TSC22D1: variants seen among roughly 807,000 people sequenced by gnomAD.
TSC22D1 encodes the protein TSC22 domain family member 1, also known as TSC22 domain family protein 1.
TSC22D1 carries 9 observed loss-of-function variants against 74.2 expected under a neutral mutation model. The ratio of observed to expected loss-of-function variants is 0.12; its 90% CI spans 0.07 to 0.21. TSC22D1 has a LOEUF of 0.21. Ranked by LOEUF, TSC22D1 falls within the 10% of genes least tolerant of loss-of-function variation. The pLI is 1.00. For missense variants in TSC22D1, 1,427 were observed against 1,304.7 expected (o/e 1.09, Z -1.44); for synonymous variants, 586 against 492.5 (o/e 1.19, Z -2.51).
intron 1 of TSC22D1, among the ~76,000 whole-genome samples, chr13:44,460,375 C>G (rs1470480686): frequency 6.6e-6 from 1 of 152,122 alleles, no homozygotes; most frequent in Non-Finnish European, 1.5e-5. Context: ...GCTTGATGCC[C>G]TTTTCCATGA....
intron 1 of TSC22D1, among the ~76,000 whole-genome samples, chr13:44,520,549 G>A (rs1281706485): frequency 1.3e-5 from 2 of 152,036 alleles, no homozygotes; most frequent in Non-Finnish European, 2.9e-5. Flanking sequence ...GAAAGTTTTA[G>A]ACAAACTTTA....
At chr13:44,456,022 A>T (rs749648312) in intron 1 of TSC22D1, among the ~76,000 whole-genome samples, 2 of 152,212 alleles carry the variant, frequency 1.3e-5, no homozygotes, top group African/African-American at 4.8e-5. Context: ...ATAAGTCTGT[A>T]TAAGACAGAC....
At chr13:44,524,254 G>A (rs1405464107) in intron 1 of TSC22D1, among the ~76,000 whole-genome samples, 3 of 151,464 alleles carry the variant, frequency 2.0e-5, no homozygotes, top group Admixed American at 1.3e-4. Context: ...TAGTGAAGCT[G>A]TCACTCCTGT....
At chr13:44,436,458 G>T in intron 1 of TSC22D1, 5 of 1,595,744 alleles carry the variant, frequency 3.1e-6, no homozygotes, top group Non-Finnish European at 4.3e-6. Flanking sequence ...ATTATTATAA[G>T]TATCCCACGA....
At position 44,557,287 on chromosome 13, in the gene TSC22D1, C is replaced by G. The variant is rs575616328; in HGVS notation, c.2912+15876G>C. Among the ~76,000 whole-genome samples the G allele has an allele frequency of 1.7e-3, 252 of 151,894 alleles. 1 individual carries two copies. The highest frequency in any genetic ancestry group is 5.7e-3 in the African/African-American group (235 of 41,386). On this transcript the variant is annotated intron_variant, in intron 1 of 2. Transcript: ENST00000458659. ...ACCATCCTGGCCAATGTGGTAAAAC[C>G]CTGTCTCTACTAAAAATACAAAAAT...
At chr13:44,456,752 G>A (rs954986403) in intron 1 of TSC22D1, among the ~76,000 whole-genome samples, 3 of 152,156 alleles carry the variant, frequency 2.0e-5, no homozygotes, top group Non-Finnish European at 4.4e-5. Flanking sequence ...CTTGGAAACT[G>A]AAAAATTGAT....
chr13:44,502,203 C>A (rs754300287), intron 1 of TSC22D1, among the ~76,000 whole-genome samples: 2 of 152,084 alleles, frequency 1.3e-5, no homozygotes, highest in Admixed American at 6.5e-5. Flanking sequence ...TTGGTGAGTA[C>A]GTTGTTGATT....
intron 1 of TSC22D1, among the ~76,000 whole-genome samples, chr13:44,548,887 A>C (rs2138135938): frequency 6.6e-6 from 1 of 152,316 alleles, no homozygotes; most frequent in African/African-American, 2.4e-5. Context: ...TTAAATGTAC[A>C]AGAACTTCAT....
At chr13:44,511,142 G>C (rs993067365) in intron 1 of TSC22D1, among the ~76,000 whole-genome samples, 3 of 152,048 alleles carry the variant, frequency 2.0e-5, no homozygotes, top group African/African-American at 7.2e-5. Context: ...TATTAGCCGG[G>C]CATGGTGGTG....
At chr13:44,528,115 T>C (rs1880639917) in intron 1 of TSC22D1, among the ~76,000 whole-genome samples, 1 of 152,010 alleles carries the variant, frequency 6.6e-6, no homozygotes, top group Non-Finnish European at 1.5e-5. Flanking sequence ...TAAACACCCC[T>C]CAATCAGGAA....
chr13:44,575,633 C>A lies in TSC22D1; in HGVS notation c.442G>T (p.Asp148Tyr), dbSNP rs1040833771. ...YDDLDESHTE[D>Y]LSSSEILDVS... Reference sequence around the variant, plus strand: ...TCAAGGATCTCCGAAGAAGAGAGATCTTCCGTGTGAGATTCATCCAGATCA... The same window carrying A: ...TCAAGGATCTCCGAAGAAGAGAGATATTCCGTGTGAGATTCATCCAGATCA... The change falls in exon 1 of 3, where the codon GAT becomes TAT. Residue 148 changes from aspartate to tyrosine, a missense_variant. Asp to Tyr is a radical substitution (Grantham distance 160, BLOSUM62 -3). Around this residue, in one of 3 missense-constraint regions of TSC22D1, gnomAD observed 1,343 missense variants for 1,191.5 expected, o/e 1.13. Coordinates refer to ENST00000458659, the MANE Select transcript of TSC22D1 (RefSeq NM_183422.4). 6.2e-7 allele frequency: 1 copy of A among 1,614,196 alleles called. No homozygotes were observed.
chr13:44,506,195 A>G (rs1233711428), intron 1 of TSC22D1, among the ~76,000 whole-genome samples: 3 of 152,218 alleles, frequency 2.0e-5, no homozygotes, highest in Admixed American at 2.0e-4. Flanking sequence ...AAATTAGATT[A>G]CATTCCATCA....
chr13:44,522,113 T>C (rs1258217896), intron 1 of TSC22D1, among the ~76,000 whole-genome samples: 1 of 152,204 alleles, frequency 6.6e-6, no homozygotes, highest in East Asian at 1.9e-4. Context: ...TGTTTAGATA[T>C]AATGACTAGA....
chr13:44,568,919 A>G (rs1383686251), intron 1 of TSC22D1, among the ~76,000 whole-genome samples: 2 of 152,184 alleles, frequency 1.3e-5, no homozygotes, highest in Non-Finnish European at 2.9e-5. Flanking sequence ...GAAAAGTAAT[A>G]TTTGACAAGA....
At chr13:44,436,747 T>G in intron 1 of TSC22D1, 1 of 1,483,644 alleles carries the variant, frequency 6.7e-7, no homozygotes, top group South Asian at 1.5e-5. Flanking sequence ...ACGGCAGCCC[T>G]AATTTAAAGA....
intron 1 of TSC22D1, among the ~76,000 whole-genome samples, chr13:44,457,869 T>A (rs1876764004): frequency 6.6e-6 from 1 of 152,294 alleles, no homozygotes; most frequent in East Asian, 1.9e-4. Context: ...ATACAGAAGC[T>A]AACTGAAGAA....
At chr13:44,496,488 G>T (rs960685979) in intron 1 of TSC22D1, among the ~76,000 whole-genome samples, 3 of 152,060 alleles carry the variant, frequency 2.0e-5, no homozygotes, top group Non-Finnish European at 4.4e-5. Flanking sequence ...TTCGAGACCA[G>T]CCTGGCCAAC....
At chr13:44,446,592 C>G (rs901813022) in intron 1 of TSC22D1, among the ~76,000 whole-genome samples, 1 of 152,134 alleles carries the variant, frequency 6.6e-6, no homozygotes, top group Admixed American at 6.5e-5. Context: ...CATCACATAA[C>G]ATACCCATAT....
intron 1 of TSC22D1, among the ~76,000 whole-genome samples, chr13:44,529,064 C>T (rs1038209127): frequency 1.3e-5 from 2 of 152,010 alleles, no homozygotes; most frequent in African/African-American, 2.4e-5. Context: ...AAAGCAGAAA[C>T]AGTAAACAAT....
Sources: gnomAD v4.1 joint callset for allele counts (sites outside exome capture counted in the v4.1 genomes callset) on GRCh38, gnomAD v4.1.1 for gene constraint, gnomAD v4.1.1 regional missense constraint, MANE v1.5 for transcripts, NCBI Gene and HGNC (gene_info 2026-07-23, HGNC 2026-07-21) for gene names.